Variants in GOLGB1 observed in about 807,000 individuals in gnomAD.
GOLGB1 encodes golgin B1, also known as golgin subfamily B member 1.
GOLGB1 carries 174 observed loss-of-function variants against 336.9 expected under a neutral mutation model. That is an observed-to-expected ratio of 0.52 (90% CI 0.46 to 0.59). GOLGB1 has a LOEUF of 0.59. Ranked by LOEUF, GOLGB1 falls within the 20% of genes least tolerant of loss-of-function variation. The probability of loss-of-function intolerance (pLI) is 0.00; values close to 1 mark genes in which losing one functional copy is unlikely to be tolerated. For synonymous variants in GOLGB1, 1,208 were observed against 1,289.2 expected, an observed-to-expected ratio of 0.94 and a Z score of 1.35; for missense variants, 3,331 against 3,645.3, an observed-to-expected ratio of 0.91 and a Z score of 2.22.
chr3:121,710,317 A>G (rs1233443988), intron 10 of GOLGB1, among the ~76,000 whole-genome samples: 1 of 152,184 alleles, frequency 6.6e-6, no homozygotes, highest in Non-Finnish European at 1.5e-5. Flanking sequence ...CAGAAAATAG[A>G]AAAGGGAACA....
At chr3:121,709,495 T>C (rs1576391046) in intron 10 of GOLGB1, among the ~76,000 whole-genome samples, 2 of 152,332 alleles carry the variant, frequency 1.3e-5, no homozygotes, top group Middle Eastern at 6.8e-3. Flanking sequence ...AATGAAATTA[T>C]ATTAGAAATC....
chr3:121,745,501 C>T (rs9289176), intron 1 of GOLGB1, among the ~76,000 whole-genome samples: 2 of 135,768 alleles, frequency 1.5e-5, no homozygotes, highest in Non-Finnish European at 1.6e-5. Context: ...TACATATGTA[C>T]ACGTGTATGT....
intron 1 of GOLGB1, among the ~76,000 whole-genome samples, chr3:121,739,098 C>CA (rs1946680047): frequency 6.6e-6 from 1 of 151,948 alleles, no homozygotes; most frequent in Non-Finnish European, 1.5e-5. Context: ...CCCATCTCTA[C>CA]AAAATTTTTT....
chr3:121,744,560 A>G (rs1346778243), intron 1 of GOLGB1, among the ~76,000 whole-genome samples: 1 of 150,424 alleles, frequency 6.6e-6, no homozygotes, highest in Admixed American at 6.6e-5. Context: ...TTGAGAGTGC[A>G]GTCAGCTATG....
chr3:121,692,976 G>T (rs1942589928), intron 13 of GOLGB1, among the ~76,000 whole-genome samples: 1 of 152,110 alleles, frequency 6.6e-6, no homozygotes, highest in Non-Finnish European at 1.5e-5. Context: ...GAACAGAAGG[G>T]TCCTATTGGA....
At position 121,704,543 on chromosome 3, in the gene GOLGB1, C is replaced by T. The variant is rs748093572; in HGVS notation, c.1405-1948G>A. 4.6e-5 allele frequency among the ~76,000 whole-genome samples: 7 copies of T among 151,970 alleles called. No homozygotes were observed. The South Asian group carries it at 6.2e-4, about 14-fold the overall frequency. On this transcript the variant is annotated intron_variant, in intron 10 of 21. Transcript: ENST00000614479. ...CTATAATCCCAGCAGTTTGGGAGGG[C>T]GAGGCAGGTGGATCATCTGAGGTTG...
At position 121,748,003 on chromosome 3, in the gene GOLGB1, AT is replaced by A. The variant is rs370405422; in HGVS notation, c.-3+1628del. Among the ~76,000 whole-genome samples the A allele has an allele frequency of 6.1e-4, 93 of 152,202 alleles. 1 individual carries two copies. The South Asian group carries it at 0.018, about 29-fold the overall frequency. On this transcript the variant is annotated intron_variant, in intron 1 of 21. Transcript: ENST00000614479. Reference sequence around the variant, plus strand: ...ACCTAGAGAAATTAATGAATGATTTATTTTATAAACAAGGATAAAGTCAACA... The same window carrying A: ...ACCTAGAGAAATTAATGAATGATTTATTTATAAACAAGGATAAAGTCAACA...
Position 121,718,483 on chromosome 3 carries a change from T to G in GOLGB1, c.790A>C (p.Arg264=). The G allele has an allele frequency of 6.2e-7, 1 of 1,612,880 alleles. No homozygotes were observed. The highest frequency in any genetic ancestry group is 8.5e-7 in the Non-Finnish European group (1 of 1,178,850). The change falls in exon 8 of 22, where the codon AGG becomes CGG. Residue 264 remains arginine, a synonymous_variant. Coordinates refer to ENST00000614479, the MANE Select transcript of GOLGB1 (RefSeq NM_001366282.2). Reference sequence around the variant, plus strand: ...GATTCTTCGTGTTCCTCAAGCTTCCTTTGCAGCACCCTCAATTTCTGAGAA... The same window carrying G: ...GATTCTTCGTGTTCCTCAAGCTTCCGTTGCAGCACCCTCAATTTCTGAGAA... The part of the protein sequence containing the change: ...EMQQKLRVLQ[R]KLEEHEESLV...
chr3:121,701,527 T>C (rs908855011), intron 11 of GOLGB1, among the ~76,000 whole-genome samples: 2 of 152,162 alleles, frequency 1.3e-5, no homozygotes, highest in African/African-American at 4.8e-5. Context: ...TTCTCACTCC[T>C]AGATGATAAA....
chr3:121,729,617 A>T (rs769571160), intron 3 of GOLGB1, among the ~76,000 whole-genome samples: 1 of 151,876 alleles, frequency 6.6e-6, no homozygotes, highest in Non-Finnish European at 1.5e-5. Flanking sequence ...GGGTCTCACT[A>T]TGTTGCCCAG....
chr3:121,736,298 A>T (rs1946461294), intron 1 of GOLGB1, among the ~76,000 whole-genome samples: 1 of 152,160 alleles, frequency 6.6e-6, no homozygotes, highest in African/African-American at 2.4e-5. Flanking sequence ...GAAAAACAGC[A>T]ACATCAGAGT....
At chr3:121,736,579 G>GATA (rs1162926498) in intron 1 of GOLGB1, among the ~76,000 whole-genome samples, 4 of 152,150 alleles carry the variant, frequency 2.6e-5, no homozygotes, top group Non-Finnish European at 4.4e-5. Context: ...AACAGTCACA[G>GATA]ATTAGAGAAG....
chr3:121,722,226 T>G (rs759577167), intron 6 of GOLGB1, 36 bp downstream of exon 6: 3 of 1,182,598 alleles, frequency 2.5e-6, no homozygotes, highest in Non-Finnish European at 2.5e-6. Flanking sequence ...CCACTGGACT[T>G]CATAGCTCTT....
At chr3:121,700,525 A>G (rs929850793) in intron 11 of GOLGB1, among the ~76,000 whole-genome samples, 2 of 151,996 alleles carry the variant, frequency 1.3e-5, no homozygotes, top group African/African-American at 2.4e-5. Context: ...AGATACACCA[A>G]AGGAAAAAAA....
At chr3:121,675,872 G>A (rs1342337151) in intron 17 of GOLGB1, among the ~76,000 whole-genome samples, 1 of 152,186 alleles carries the variant, frequency 6.6e-6, no homozygotes, top group South Asian at 2.1e-4. Context: ...GTGATTCAGA[G>A]TCTAATGTTT....
At chr3:121,738,241 C>T (rs1946615990) in intron 1 of GOLGB1, among the ~76,000 whole-genome samples, 1 of 152,174 alleles carries the variant, frequency 6.6e-6, no homozygotes, top group South Asian at 2.1e-4. Flanking sequence ...TTTCAGACCA[C>T]TTTGGAACAA....
rs1363119523 is a variant in GOLGB1 at position 121,695,106 on chromosome 3, T to C, written c.5417A>G (p.Asp1806Gly). ...QSIPGETEEQ[D>G]SLSMSTRPTC... ...AGGTCTTGTGCTCATACTCAGAGAG[T>C]CTTGCTCTTCAGTCTCACCTGGTAT... Residue 1806 changes from aspartate (D) to glycine (G), a missense_variant, in exon 13 of 22, where the codon GAC becomes GGC. Physicochemically the swap from Asp to Gly is moderately conservative, Grantham distance 94. Transcript: ENST00000614479. 1 of 1,613,828 alleles carries C rather than the reference T, an allele frequency of 6.2e-7. No homozygotes were observed. The highest frequency in any genetic ancestry group is 8.5e-7 in the Non-Finnish European group (1 of 1,179,980).
In GOLGB1 at chr3:121,695,211, T is replaced by C. The variant is rs772873784; in HGVS notation, c.5312A>G (p.Asn1771Ser). ...CTCTAGGTTAGCTTGTTTAGATACATTACCTTCTATCTGATGCTTTAAATC... is the reference window on the plus strand; with the variant it reads ...CTCTAGGTTAGCTTGTTTAGATACACTACCTTCTATCTGATGCTTTAAATC... The part of the protein sequence containing the change: ...VQDLKHQIEG[N>S]VSKQANLEAT... The change falls in exon 13 of 22, where the codon AAT (asparagine) becomes AGT (serine). Residue 1771 changes from asparagine (N) to serine (S), a missense_variant. Transcript: ENST00000614479. The C allele has an allele frequency of 1.7e-5, 28 of 1,613,614 alleles. No individual in the cohort carries two copies. The African/African-American group carries it at 2.8e-4, about 16-fold the overall frequency.
chr3:121,738,987 G>T (rs1488717680), intron 1 of GOLGB1, among the ~76,000 whole-genome samples: 1 of 152,146 alleles, frequency 6.6e-6, no homozygotes, highest in Non-Finnish European at 1.5e-5. Flanking sequence ...CTGAGGCCAG[G>T]CGTGCTAGCT....
Sources: allele counts gnomAD v4.1 joint callset (sites outside exome capture counted in the v4.1 genomes callset), GRCh38; gene constraint gnomAD v4.1.1; transcripts MANE v1.5; gene names NCBI Gene and HGNC (gene_info 2026-07-23, HGNC 2026-07-21).